Variants in TAFA1 observed in about 807,000 individuals in gnomAD.
TAFA1 encodes TAFA chemokine like family member 1, also known as chemokine-like protein TAFA-1.
Under a neutral mutation model 18.5 loss-of-function variants are expected in TAFA1, and 4 were observed. That is an observed-to-expected ratio of 0.22 (90% CI 0.11 to 0.49). The LOEUF is 0.49. Among genes scored for constraint, TAFA1 ranks in the 20% least tolerant of loss-of-function variants. The pLI, the probability that TAFA1 is intolerant of heterozygous loss-of-function variation, is 0.98. For missense variants in TAFA1, 147 were observed against 169.0 expected, an observed-to-expected ratio of 0.87 and a Z score of 0.72; for synonymous variants, 56 against 55.2, an observed-to-expected ratio of 1.01 and a Z score of -0.06.
chr3:68,109,208 G>T (rs1459793309), intron 2 of TAFA1, among the ~76,000 whole-genome samples: 1 of 152,066 alleles, frequency 6.6e-6, no homozygotes, highest in Non-Finnish European at 1.5e-5. Flanking sequence ...TTCTTGAGAA[G>T]GAAATTGGGT....
At chr3:68,455,555 A>C (rs933446673) in intron 3 of TAFA1, among the ~76,000 whole-genome samples, 2 of 152,032 alleles carry the variant, frequency 1.3e-5, no homozygotes, top group Non-Finnish European at 1.5e-5. Flanking sequence ...GTTTCGATGC[A>C]TTCATCTCCA....
At chr3:68,298,229 A>G (rs2068245405) in intron 2 of TAFA1, among the ~76,000 whole-genome samples, 1 of 152,172 alleles carries the variant, frequency 6.6e-6, no homozygotes, top group Non-Finnish European at 1.5e-5. Context: ...CTTCTAGTGG[A>G]GCCACTTAGA....
chr3:68,475,035 A>C (rs957263444), intron 3 of TAFA1, among the ~76,000 whole-genome samples: 1 of 152,070 alleles, frequency 6.6e-6, no homozygotes, highest in African/African-American at 2.4e-5. Context: ...TGGTTCTTTG[A>C]GTTCACCATT....
intron 2 of TAFA1, among the ~76,000 whole-genome samples, chr3:68,281,753 T>C (rs1483421249): frequency 6.6e-6 from 1 of 152,118 alleles, no homozygotes; most frequent in Non-Finnish European, 1.5e-5. Context: ...CCACCGCGCC[T>C]GGTCCCATGG....
At chr3:68,490,251 A>G (rs746798813) in intron 3 of TAFA1, among the ~76,000 whole-genome samples, 2 of 152,216 alleles carry the variant, frequency 1.3e-5, no homozygotes, top group Non-Finnish European at 2.9e-5. Context: ...TCCAGTGAAT[A>G]GTTCATCATA....
intron 3 of TAFA1, among the ~76,000 whole-genome samples, chr3:68,465,546 G>A (rs1320567854): frequency 6.6e-6 from 1 of 152,176 alleles, no homozygotes; most frequent in Non-Finnish European, 1.5e-5. Flanking sequence ...AGCTGTGAGT[G>A]AAATAACTTA....
the TAFA1 span, among the ~76,000 whole-genome samples, chr3:67,997,767 A>G: frequency 1.3e-5 from 2 of 152,072 alleles, no homozygotes; most frequent in African/African-American, 4.8e-5. Context: ...CACTGACACT[A>G]TGTAGGATCC....
At chr3:68,047,235 G>A (rs1030631915) in intron 2 of TAFA1, among the ~76,000 whole-genome samples, 1 of 152,132 alleles carries the variant, frequency 6.6e-6, no homozygotes, top group Non-Finnish European at 1.5e-5. Flanking sequence ...TTCAGCTTAG[G>A]AAACTTTTAT....
chr3:68,461,551 A>G (rs1400198011), intron 3 of TAFA1, among the ~76,000 whole-genome samples: 1 of 151,592 alleles, frequency 6.6e-6, no homozygotes, highest in Non-Finnish European at 1.5e-5. Context: ...GCTTTCAATT[A>G]GTATACCACC....
chr3:68,414,444 C>T (rs935987385), intron 2 of TAFA1, among the ~76,000 whole-genome samples: 4 of 152,162 alleles, frequency 2.6e-5, no homozygotes, highest in Non-Finnish European at 5.9e-5. Context: ...CCATAAGGCA[C>T]AACCACTTGT....
chr3:68,222,724 T>A (rs2061700430), intron 2 of TAFA1, among the ~76,000 whole-genome samples: 1 of 152,132 alleles, frequency 6.6e-6, no homozygotes, highest in African/African-American at 2.4e-5. Flanking sequence ...GGAGTCTCAC[T>A]CTGTCACCAG....
intron 3 of TAFA1, among the ~76,000 whole-genome samples, chr3:68,535,078 G>A (rs73101303): frequency 0.022 from 3,323 of 152,218 alleles, 54 homozygotes; most frequent in Middle Eastern, 0.061. Context: ...ATTAGGTGGG[G>A]TTTAAGTGGA....
At chr3:68,031,966 T>A (rs1002033914) in intron 2 of TAFA1, among the ~76,000 whole-genome samples, 2 of 152,172 alleles carry the variant, frequency 1.3e-5, no homozygotes, top group Non-Finnish European at 2.9e-5. Flanking sequence ...AGTTTTTCCT[T>A]CTCTAAGCTG....
At chr3:68,122,724 A>C (rs1470610201) in intron 2 of TAFA1, among the ~76,000 whole-genome samples, 1 of 152,168 alleles carries the variant, frequency 6.6e-6, no homozygotes, top group Non-Finnish European at 1.5e-5. Flanking sequence ...TGAAATAAAT[A>C]AGAAATTTAT....
At chr3:68,436,032 G>T (rs186579485) in intron 3 of TAFA1, among the ~76,000 whole-genome samples, 1 of 152,268 alleles carries the variant, frequency 6.6e-6, no homozygotes, top group Non-Finnish European at 1.5e-5. Context: ...GGGATACTAA[G>T]GGATAACCAG....
At chr3:68,006,366 C>T in intron 1 of TAFA1, 1 of 437,654 alleles carries the variant, frequency 2.3e-6, no homozygotes, top group Admixed American at 3.3e-5. Context: ...AACTGATAGC[C>T]TAAAACTTTA....
intron 2 of TAFA1, among the ~76,000 whole-genome samples, chr3:68,297,410 C>T (rs996583727): frequency 6.6e-6 from 1 of 152,092 alleles, no homozygotes; most frequent in African/African-American, 2.4e-5. Context: ...ACCCTGAGCC[C>T]CTGGGAAAAT....
At chr3:68,518,370 T>G (rs759805897) in intron 3 of TAFA1, among the ~76,000 whole-genome samples, 30 of 152,204 alleles carry the variant, frequency 2.0e-4, no homozygotes, top group Non-Finnish European at 4.0e-4. Context: ...ATTATTTATT[T>G]TGTCATTGCC....
intron 3 of TAFA1, among the ~76,000 whole-genome samples, chr3:68,467,781 G>A (rs1204804536): frequency 6.6e-6 from 1 of 152,184 alleles, no homozygotes; most frequent in Non-Finnish European, 1.5e-5. Context: ...AGGGCAGGGG[G>A]TTCTGGCTAA....
Sources: gnomAD v4.1 joint callset for allele counts (sites outside exome capture counted in the v4.1 genomes callset) on GRCh38, gnomAD v4.1.1 for gene constraint, MANE v1.5 for transcripts, NCBI Gene and HGNC (gene_info 2026-07-23, HGNC 2026-07-21) for gene names.